Variants in PKIB observed in about 807,000 individuals in gnomAD.
The protein encoded by PKIB is PKI-beta.
Under a neutral mutation model 4.5 loss-of-function variants are expected in PKIB, and 2 were observed. The ratio of observed to expected loss-of-function variants is 0.44; its 90% CI spans 0.18 to 1.39. PKIB has a LOEUF of 1.39. Among genes scored for constraint, PKIB ranks in the 40% most tolerant of loss-of-function variants. The pLI, the probability that PKIB is intolerant of heterozygous loss-of-function variation, is 0.27. For missense variants in PKIB, 94 were observed against 92.6 expected, an observed-to-expected ratio of 1.02 and a Z score of -0.06; for synonymous variants, 38 against 36.0, an observed-to-expected ratio of 1.06 and a Z score of -0.20.
intron 2 of PKIB, among the ~76,000 whole-genome samples, chr6:122,558,671 A>G (rs1772920284): frequency 6.6e-6 from 1 of 151,926 alleles, no homozygotes; most frequent in Admixed American, 6.6e-5. Flanking sequence ...ATGTAATATA[A>G]TAAAACTCCT....
chr6:122,687,308 T>G (rs746461858), intron 3 of PKIB, among the ~76,000 whole-genome samples: 51 of 152,204 alleles, frequency 3.4e-4, no homozygotes, highest in Non-Finnish European at 6.3e-4. Context: ...GGTACTTTAT[T>G]CTATTCCATT....
At chr6:122,571,185 C>A (rs530455393) in intron 2 of PKIB, among the ~76,000 whole-genome samples, 2 of 151,930 alleles carry the variant, frequency 1.3e-5, no homozygotes, top group Non-Finnish European at 2.9e-5. Context: ...TGAATTAACC[C>A]AATCAGACAA....
chr6:122,635,256 A>G (rs1223852887), intron 2 of PKIB, among the ~76,000 whole-genome samples: 4 of 152,162 alleles, frequency 2.6e-5, no homozygotes, highest in Admixed American at 2.6e-4. Context: ...CTGTGATACA[A>G]GCATACCTTG....
At position 122,687,079 on chromosome 6, in the gene PKIB, T is replaced by G. The variant is rs958457465; in HGVS notation, c.-9+11935T>G. ...TGGAGAGTTTTCTCAATGTTTTCCT[T>G]TAGTAGTTTCATAGTTTGAAGTCTT... On this transcript the variant is annotated intron_variant, in intron 3 of 4. Coordinates refer to ENST00000368452, the MANE Select transcript of PKIB (RefSeq NM_181795.3). 4.6e-5 allele frequency among the ~76,000 whole-genome samples: 7 copies of G among 152,286 alleles called. No homozygotes were observed. The South Asian group carries it at 1.4e-3, about 32-fold the overall frequency.
At chr6:122,538,924 T>C (rs1257325979) in intron 2 of PKIB, among the ~76,000 whole-genome samples, 1 of 152,058 alleles carries the variant, frequency 6.6e-6, no homozygotes, top group South Asian at 2.1e-4. Flanking sequence ...TTCCTAGGTA[T>C]TTTATTCTCT....
chr6:122,594,298 C>G (rs1393185769), intron 3 of PKIB, among the ~76,000 whole-genome samples: 1 of 151,750 alleles, frequency 6.6e-6, no homozygotes, highest in African/African-American at 2.4e-5. Flanking sequence ...ACCTCTGCCT[C>G]CCGGGTTCAA....
chr6:122,523,812 A>G (rs1355422894), intron 2 of PKIB, among the ~76,000 whole-genome samples: 2 of 151,214 alleles, frequency 1.3e-5, no homozygotes, highest in African/African-American at 2.4e-5. Context: ...GTTCCCCTGC[A>G]CAAGCTCTCT....
At chr6:122,657,479 CAAT>C (rs1050937802) in intron 2 of PKIB, among the ~76,000 whole-genome samples, 3 of 152,064 alleles carry the variant, frequency 2.0e-5, no homozygotes, top group African/African-American at 7.2e-5. Context: ...TTATTGGTGT[CAAT>C]GATAGATGTA....
chr6:122,660,245 C>T (rs1293022484), intron 2 of PKIB, among the ~76,000 whole-genome samples: 1 of 152,124 alleles, frequency 6.6e-6, no homozygotes, highest in African/African-American at 2.4e-5. Flanking sequence ...AGTAAAGAAG[C>T]CCATGTTGCC....
At chr6:122,665,270 G>A (rs113995510) in intron 2 of PKIB, among the ~76,000 whole-genome samples, 182 of 152,258 alleles carry the variant, frequency 1.2e-3, no homozygotes, top group African/African-American at 4.2e-3. Flanking sequence ...CCTTAATTTG[G>A]CCAGTTTATT....
chr6:122,581,329 C>T (rs1028183218), intron 2 of PKIB, among the ~76,000 whole-genome samples: 4 of 152,036 alleles, frequency 2.6e-5, no homozygotes, highest in African/African-American at 9.7e-5. Context: ...TCAGTCATCT[C>T]GAAGTTGTTT....
At chr6:122,594,637 C>T (rs1774118637) in intron 3 of PKIB, among the ~76,000 whole-genome samples, 1 of 152,224 alleles carries the variant, frequency 6.6e-6, no homozygotes, top group South Asian at 2.1e-4. Context: ...TGACTACCTT[C>T]TTCTACTACC....
chr6:122,669,548 G>C (rs1302447012), intron 2 of PKIB, among the ~76,000 whole-genome samples: 1 of 151,852 alleles, frequency 6.6e-6, no homozygotes, highest in Non-Finnish European at 1.5e-5. Context: ...GGCATTCTCT[G>C]ATCTTAGTCT....
At chr6:122,642,542 G>A (rs545985219) in intron 2 of PKIB, among the ~76,000 whole-genome samples, 44 of 152,252 alleles carry the variant, frequency 2.9e-4, no homozygotes, top group African/African-American at 9.9e-4. Flanking sequence ...TATCTCACAT[G>A]CCAGGTAAAG....
At chr6:122,489,267 G>A (rs1208307165) in intron 2 of PKIB, among the ~76,000 whole-genome samples, 1 of 151,082 alleles carries the variant, frequency 6.6e-6, no homozygotes, top group Non-Finnish European at 1.5e-5. Flanking sequence ...TATTATTTTT[G>A]AGAAAAGTCT....
At chr6:122,545,221 A>T (rs1772455002) in intron 2 of PKIB, among the ~76,000 whole-genome samples, 1 of 152,090 alleles carries the variant, frequency 6.6e-6, no homozygotes. Flanking sequence ...ACAATAGCAA[A>T]GATACGGAAT....
At chr6:122,562,022 T>A (rs1330789685) in intron 2 of PKIB, among the ~76,000 whole-genome samples, 4 of 126,526 alleles carry the variant, frequency 3.2e-5, no homozygotes, top group Non-Finnish European at 6.5e-5. Context: ...TTTTTTTTGC[T>A]TTTTAACTTG....
chr6:122,704,292 T>A (rs1778966632), intron 3 of PKIB, among the ~76,000 whole-genome samples: 1 of 152,156 alleles, frequency 6.6e-6, no homozygotes, highest in Non-Finnish European at 1.5e-5. Flanking sequence ...GTTAATCTTT[T>A]CTGGAAACAC....
At chr6:122,651,038 T>C (rs1776533007) in intron 2 of PKIB, among the ~76,000 whole-genome samples, 1 of 152,162 alleles carries the variant, frequency 6.6e-6, no homozygotes, top group Non-Finnish European at 1.5e-5. Flanking sequence ...TTCATCCTAA[T>C]TCAACTTTAT....
Sources: allele counts gnomAD v4.1 joint callset (sites outside exome capture counted in the v4.1 genomes callset), GRCh38; gene constraint gnomAD v4.1.1; transcripts MANE v1.5; gene names NCBI Gene and HGNC (gene_info 2026-07-23, HGNC 2026-07-21).